ZFAND3: variants seen among roughly 807,000 people sequenced by gnomAD.
The protein encoded by ZFAND3 is AN1-type zinc finger protein 3.
In ZFAND3, 10 loss-of-function variants were observed where a neutral mutation model predicts 29.6. The observed-to-expected ratio is 0.34, with a 90% CI of 0.21 to 0.57. The LOEUF is 0.57. ZFAND3 is among the 20% of genes least tolerant of loss of function. The pLI, the probability that ZFAND3 is intolerant of heterozygous loss-of-function variation, is 0.86. For synonymous variants in ZFAND3, 128 were observed against 112.6 expected, an observed-to-expected ratio of 1.14 and a Z score of -0.87; for missense variants, 230 against 304.5, an observed-to-expected ratio of 0.76 and a Z score of 1.82.
chr6:37,910,114 T>G (rs191754688), intron 1 of ZFAND3, among the ~76,000 whole-genome samples: 1 of 152,358 alleles, frequency 6.6e-6, no homozygotes, highest in East Asian at 1.9e-4. Context: ...ATACATAGTC[T>G]GTGATAATTT....
At chr6:37,978,038 T>C (rs1030025285) in intron 2 of ZFAND3, among the ~76,000 whole-genome samples, 4 of 151,926 alleles carry the variant, frequency 2.6e-5, no homozygotes, top group African/African-American at 9.7e-5. Context: ...GTTCAAGTGA[T>C]TCTCCTGCCT....
chr6:38,005,563 C>A (rs1045339504), intron 2 of ZFAND3, among the ~76,000 whole-genome samples: 1 of 152,194 alleles, frequency 6.6e-6, no homozygotes, highest in Non-Finnish European at 1.5e-5. Context: ...CCTTCCCTCT[C>A]TGTTTTGAGC....
intron 2 of ZFAND3, among the ~76,000 whole-genome samples, chr6:37,949,711 T>A (rs866906528): frequency 2.1e-4 from 32 of 152,286 alleles, no homozygotes; most frequent in African/African-American, 6.5e-4. Flanking sequence ...AGGATACAGA[T>A]AAATAGCCAG....
chr6:38,050,068 C>T (rs1176913422), intron 2 of ZFAND3, among the ~76,000 whole-genome samples: 3 of 147,402 alleles, frequency 2.0e-5, no homozygotes, highest in East Asian at 3.9e-4. Flanking sequence ...AATTATCATG[C>T]GTCAGCCTCC....
intron 5 of ZFAND3, among the ~76,000 whole-genome samples, chr6:38,150,406 G>A (rs1766197831): frequency 6.6e-6 from 1 of 152,136 alleles, no homozygotes; most frequent in South Asian, 2.1e-4. Flanking sequence ...AGCCCCCTAG[G>A]CTGTGTACAT....
At chr6:38,112,747 C>T (rs895501476) in intron 4 of ZFAND3, among the ~76,000 whole-genome samples, 1 of 152,168 alleles carries the variant, frequency 6.6e-6, no homozygotes, top group Admixed American at 6.5e-5. Flanking sequence ...ATTATCATGT[C>T]GTTAGAACCC....
intron 1 of ZFAND3, among the ~76,000 whole-genome samples, chr6:37,911,368 T>A (rs1430984766): frequency 6.6e-6 from 1 of 152,234 alleles, no homozygotes; most frequent in Non-Finnish European, 1.5e-5. Flanking sequence ...TCAGATCATT[T>A]GACCATTTAA....
chr6:37,862,849 A>G (rs538607857), intron 1 of ZFAND3, among the ~76,000 whole-genome samples: 3 of 152,312 alleles, frequency 2.0e-5, no homozygotes, highest in South Asian at 4.1e-4. Flanking sequence ...TTGCTGGGAA[A>G]AAAAAATGGG....
chr6:37,839,589 T>C (rs1351405805), intron 1 of ZFAND3, among the ~76,000 whole-genome samples: 1 of 148,730 alleles, frequency 6.7e-6, no homozygotes, highest in Non-Finnish European at 1.5e-5. Flanking sequence ...ATCTCAGCTC[T>C]CTGCAAGCTC....
At chr6:37,939,917 G>A (rs1761782715) in intron 2 of ZFAND3, among the ~76,000 whole-genome samples, 2 of 152,118 alleles carry the variant, frequency 1.3e-5, no homozygotes, top group Admixed American at 6.5e-5. Flanking sequence ...GTGCACGCCT[G>A]TAATCCCAGC....
chr6:37,976,617 G>A (rs1236184608), intron 2 of ZFAND3, among the ~76,000 whole-genome samples: 10 of 146,554 alleles, frequency 6.8e-5, no homozygotes, highest in African/African-American at 2.2e-4. Flanking sequence ...GATACTACCC[G>A]AGACTGGGTA....
chr6:38,112,588 GAGTAAA>G (rs1438024646), intron 4 of ZFAND3, among the ~76,000 whole-genome samples: 1 of 152,244 alleles, frequency 6.6e-6, no homozygotes, highest in Non-Finnish European at 1.5e-5. Context: ...TGATATTTGT[GAGTAAA>G]AGTAAATCAT....
chr6:38,005,643 A>T (rs2127441514), intron 2 of ZFAND3, among the ~76,000 whole-genome samples: 1 of 152,322 alleles, frequency 6.6e-6, no homozygotes, highest in Non-Finnish European at 1.5e-5. Context: ...ATAATGATGG[A>T]TTTTTAAAAA....
At chr6:37,905,939 T>C (rs1046111541) in intron 1 of ZFAND3, among the ~76,000 whole-genome samples, 1 of 152,176 alleles carries the variant, frequency 6.6e-6, no homozygotes, top group African/African-American at 2.4e-5. Flanking sequence ...TGATCTATGG[T>C]ATACATAAAA....
intron 2 of ZFAND3, among the ~76,000 whole-genome samples, chr6:37,988,262 C>T (rs1236758454): frequency 2.0e-5 from 3 of 152,192 alleles, no homozygotes; most frequent in African/African-American, 7.2e-5. Context: ...ACATAGGATT[C>T]TTTCTGTATC....
Position 37,971,974 on chromosome 6 carries a change from CA to C in ZFAND3, c.112+41983del, listed in dbSNP as rs536132192. ...TGGGCGATAGAACAAGGCCCTGTCT[CA>C]AAAAAAATAAAATAAAATAAAATAA... On this transcript the variant is annotated intron_variant, in intron 2 of 5. Coordinates refer to ENST00000287218, the MANE Select transcript of ZFAND3 (RefSeq NM_021943.3). 2.3e-3 allele frequency among the ~76,000 whole-genome samples: 344 copies of C among 149,968 alleles called. 1 individual carries two copies. The highest frequency in any genetic ancestry group is 7.9e-3 in the African/African-American group (323 of 40,872).
intron 1 of ZFAND3, among the ~76,000 whole-genome samples, chr6:37,901,113 A>G (rs191981935): frequency 3.1e-4 from 47 of 152,260 alleles, no homozygotes; most frequent in Middle Eastern, 6.8e-3. Context: ...GTGAGGGAGC[A>G]AGGGAGCAAG....
chr6:38,049,996 C>G lies in ZFAND3; in HGVS notation c.113-11597C>G, dbSNP rs186947426. Among the ~76,000 whole-genome samples, 259 of 134,988 alleles carry G rather than the reference C, an allele frequency of 1.9e-3. 1 individual carries two copies. The highest frequency in any genetic ancestry group is 6.8e-3 in the African/African-American group (240 of 35,458). 88.6% of individuals were successfully genotyped at this position (134,988 alleles called of 152,430 possible). A position where few individuals can be genotyped will look rare whatever the true frequency, so the allele number is the denominator to read the frequency against. On this transcript the variant is annotated intron_variant, in intron 2 of 5. Coordinates refer to ENST00000287218, the MANE Select transcript of ZFAND3 (RefSeq NM_021943.3). ...GGGAGACAGAGTCTCTCTCTGTCTC[C>G]CAGACTGTAGCACAGTGGTGCAATC... is the stretch of plus-strand genomic sequence containing the variant.
intron 2 of ZFAND3, among the ~76,000 whole-genome samples, chr6:38,032,868 T>C (rs1254253964): frequency 6.6e-6 from 1 of 152,240 alleles, no homozygotes; most frequent in East Asian, 1.9e-4. Flanking sequence ...TATTATTATT[T>C]ATTCAAATCT....
Sources: gnomAD v4.1 joint callset for allele counts (sites outside exome capture counted in the v4.1 genomes callset) on GRCh38, gnomAD v4.1.1 for gene constraint, MANE v1.5 for transcripts, NCBI Gene and HGNC (gene_info 2026-07-23, HGNC 2026-07-21) for gene names.